The following PLCB4 variants were observed in gnomAD, a reference collection of about 807,000 sequenced individuals.
PLCB4 encodes the protein phospholipase C beta 4.
In PLCB4, 77 loss-of-function variants were observed where a neutral mutation model predicts 178.8. That is an observed-to-expected ratio of 0.43 (90% CI 0.36 to 0.52). The LOEUF (loss-of-function observed/expected upper bound fraction) is 0.52. Among genes scored for constraint, PLCB4 ranks in the 20% least tolerant of loss-of-function variants. PLCB4 has a pLI of 0.00. For synonymous variants in PLCB4, 496 were observed against 490.8 expected (o/e 1.01, Z -0.14); for missense variants, 1,024 against 1,453.4 (o/e 0.70, Z 4.80).
intron 7 of PLCB4, 49 bp from the exon 8 acceptor site, chr20:9,362,847 T>C (rs1417027143): frequency 1.7e-6 from 2 of 1,207,182 alleles, no homozygotes; most frequent in African/African-American, 3.0e-5. Flanking sequence ...CTGCTCTATT[T>C]GACTCCAGCA....
chr20:9,231,118 A>T (rs187148295), intron 3 of PLCB4, among the ~76,000 whole-genome samples: 1 of 152,164 alleles, frequency 6.6e-6, no homozygotes, highest in African/African-American at 2.4e-5. Context: ...TTTCTTAACA[A>T]CGTTGGTTGG....
intron 2 of PLCB4, among the ~76,000 whole-genome samples, chr20:9,121,367 A>ACGC (rs1332966947): frequency 1.3e-5 from 2 of 152,100 alleles, no homozygotes; most frequent in East Asian, 3.8e-4. Context: ...AGGGCTCTGA[A>ACGC]CGCCGCTTAC....
chr20:9,406,377 A>C (rs528796355), intron 21 of PLCB4, among the ~76,000 whole-genome samples: 1 of 152,302 alleles, frequency 6.6e-6, no homozygotes, highest in South Asian at 2.1e-4. Context: ...AAAAACAAAA[A>C]CAAAACCAAA....
intron 9 of PLCB4, among the ~76,000 whole-genome samples, chr20:9,368,607 G>A (rs1439723207): frequency 2.6e-5 from 4 of 152,154 alleles, no homozygotes; most frequent in African/African-American, 7.2e-5. Context: ...AGCAGCCCAC[G>A]AAGAAGGTAT....
intron 2 of PLCB4, among the ~76,000 whole-genome samples, chr20:9,159,590 T>A (rs1171357590): frequency 1.3e-5 from 2 of 152,190 alleles, no homozygotes; most frequent in Non-Finnish European, 1.5e-5. Flanking sequence ...TTTTGCTGAT[T>A]ATCTGATCAT....
At chr20:9,088,178 CTTTTT>C (rs10554943) in intron 1 of PLCB4, among the ~76,000 whole-genome samples, 1 of 99,166 alleles carries the variant, frequency 1.0e-5, no homozygotes, top group Admixed American at 9.9e-5. Flanking sequence ...CTTTTCTTTT[CTTTTT>C]TTTTTTTTTT....
chr20:9,374,159 G>A (rs1036710444), intron 12 of PLCB4, among the ~76,000 whole-genome samples: 6 of 152,130 alleles, frequency 3.9e-5, no homozygotes, highest in East Asian at 1.9e-4. Context: ...TATAAAGGTC[G>A]CACTTTAGAA....
intron 7 of PLCB4, among the ~76,000 whole-genome samples, chr20:9,360,530 T>C (rs1056741062): frequency 2.6e-5 from 4 of 152,190 alleles, no homozygotes; most frequent in East Asian, 3.9e-4. Context: ...TTAGAACATG[T>C]AGTAAGCCTG....
rs1600314578 is a variant in PLCB4 at position 9,088,865 on chromosome 20, G to A, written c.-134-7422G>A. 5.3e-5 allele frequency among the ~76,000 whole-genome samples: 8 copies of A among 152,032 alleles called. 1 individual carries two copies. On this transcript the variant is annotated intron_variant, in intron 1 of 39. Coordinates refer to ENST00000378473, the MANE Select transcript of PLCB4 (RefSeq NM_001377142.1). ...CATAAATGTATATATATGTAAATGT[G>A]TACTTTTTTGAGGAATATATATATA...
At chr20:9,163,284 A>G (rs1265981513) in intron 2 of PLCB4, among the ~76,000 whole-genome samples, 1 of 152,174 alleles carries the variant, frequency 6.6e-6, no homozygotes, top group African/African-American at 2.4e-5. Context: ...AGTGGGGGGA[A>G]ATTTTTCACT....
chr20:9,446,823 G>T (rs188769267), intron 32 of PLCB4, among the ~76,000 whole-genome samples: 3 of 152,234 alleles, frequency 2.0e-5, no homozygotes, highest in Non-Finnish European at 4.4e-5. Flanking sequence ...GGAGGTTGCA[G>T]TGAGCTGAGA....
chr20:9,255,551 A>C (rs563099052), intron 3 of PLCB4, among the ~76,000 whole-genome samples: 2 of 148,386 alleles, frequency 1.3e-5, no homozygotes, highest in African/African-American at 5.0e-5. Context: ...TAAGTTTAGC[A>C]TAAATTTAAT....
chr20:9,092,572 A>G (rs1319435661), intron 1 of PLCB4, among the ~76,000 whole-genome samples: 1 of 152,140 alleles, frequency 6.6e-6, no homozygotes, highest in Non-Finnish European at 1.5e-5. Context: ...TTGCTGGTGT[A>G]TATATTAGAA....
intron 3 of PLCB4, among the ~76,000 whole-genome samples, chr20:9,233,646 T>C (rs1195427526): frequency 6.6e-6 from 1 of 152,112 alleles, no homozygotes; most frequent in Non-Finnish European, 1.5e-5. Flanking sequence ...TACCACTTTC[T>C]AGATGGAGGC....
intron 2 of PLCB4, among the ~76,000 whole-genome samples, chr20:9,131,218 A>G (rs756746915): frequency 3.9e-5 from 6 of 152,084 alleles, no homozygotes; most frequent in Admixed American, 6.6e-5. Flanking sequence ...TTATCAACCA[A>G]TTGACTAACT....
intron 2 of PLCB4, among the ~76,000 whole-genome samples, chr20:9,215,971 C>T (rs2093726562): frequency 6.6e-6 from 1 of 151,992 alleles, no homozygotes; most frequent in Non-Finnish European, 1.5e-5. Context: ...TACAGATTTC[C>T]TCTCTTGTTT....
At chr20:9,204,479 C>A (rs1345430529) in intron 2 of PLCB4, among the ~76,000 whole-genome samples, 1 of 152,054 alleles carries the variant, frequency 6.6e-6, no homozygotes, top group Non-Finnish European at 1.5e-5. Flanking sequence ...CCTGTCTCAA[C>A]CTCTTGAGTA....
chr20:9,454,260 C>T (rs2042932832), intron 33 of PLCB4, among the ~76,000 whole-genome samples: 1 of 152,126 alleles, frequency 6.6e-6, no homozygotes, highest in Non-Finnish European at 1.5e-5. Flanking sequence ...GGGGGTGTGA[C>T]ATTGATATGT....
chr20:9,307,494 T>TACACAC lies in PLCB4; in HGVS notation c.-15-258_-15-253dup, dbSNP rs745918024. Among the ~76,000 whole-genome samples the TACACAC allele has an allele frequency of 1.9e-3, 268 of 138,152 alleles. 1 individual carries two copies. Among genetic ancestry groups the TACACAC allele is most frequent in the Non-Finnish European group, 2.3e-3 (150 of 64,668 alleles). The allele number at this position is 138,152 out of a possible 152,430, so 90.6% of individuals were successfully genotyped here. The stretch of plus-strand genomic sequence containing the variant: ...GTGCCTTCAGATTTTAAAAAAAGAA[T>TACACAC]ACACACACACACACACACACACACA... On this transcript the variant is annotated intron_variant, in intron 3 of 39. Transcript: ENST00000378473.
Sources: allele counts gnomAD v4.1 joint callset (sites outside exome capture counted in the v4.1 genomes callset), GRCh38; gene constraint gnomAD v4.1.1; transcripts MANE v1.5; gene names NCBI Gene and HGNC (gene_info 2026-07-23, HGNC 2026-07-21).